KCNQ3: variants seen among roughly 807,000 people sequenced by gnomAD.
The protein encoded by KCNQ3 is potassium voltage-gated channel subfamily KQT member 3.
A neutral mutation model predicts 92.5 loss-of-function variants in KCNQ3; 30 were observed. The observed-to-expected ratio is 0.32, with a 90% CI of 0.24 to 0.44. The LOEUF (loss-of-function observed/expected upper bound fraction) is 0.44, where lower values mean the gene tolerates loss of function less well. Among genes scored for constraint, KCNQ3 ranks in the 20% least tolerant of loss-of-function variants. The pLI, the probability that KCNQ3 is intolerant of heterozygous loss-of-function variation, is 1.00. For synonymous variants in KCNQ3, 450 were observed against 468.8 expected, an observed-to-expected ratio of 0.96 and a Z score of 0.52; for missense variants, 913 against 1,140.3, an observed-to-expected ratio of 0.80 and a Z score of 2.87.
intron 9 of KCNQ3, among the ~76,000 whole-genome samples, chr8:132,162,614 T>C (rs12334792): frequency 0.89 from 136,156 of 152,198 alleles, 61,384 homozygotes; most frequent in Non-Finnish European, 0.95. Context: ...CTTACAGTCC[T>C]AAGTGGGTCC....
At chr8:132,308,524 C>T (rs1817499312) in intron 1 of KCNQ3, among the ~76,000 whole-genome samples, 1 of 152,116 alleles carries the variant, frequency 6.6e-6, no homozygotes, top group Non-Finnish European at 1.5e-5. Flanking sequence ...AAAAGAAAAG[C>T]CATGTTCTCA....
At chr8:132,452,999 A>C (rs563483593) in intron 1 of KCNQ3, among the ~76,000 whole-genome samples, 29 of 109,240 alleles carry the variant, frequency 2.7e-4, no homozygotes, top group African/African-American at 1.0e-3. Context: ...GGAAGGATAT[A>C]AAAATGAAGA....
intron 1 of KCNQ3, among the ~76,000 whole-genome samples, chr8:132,215,370 G>T (rs149401865): frequency 4.1e-4 from 63 of 152,330 alleles, no homozygotes; most frequent in African/African-American, 1.5e-3. Flanking sequence ...AGCTATTTAT[G>T]CTGCAGTTAA....
At chr8:132,144,179 G>A (rs963279438) in intron 9 of KCNQ3, among the ~76,000 whole-genome samples, 3 of 152,202 alleles carry the variant, frequency 2.0e-5, no homozygotes, top group African/African-American at 7.2e-5. Context: ...AACGCCATTG[G>A]TCACAGATGG....
chr8:132,284,273 G>A (rs1234718863), intron 1 of KCNQ3, among the ~76,000 whole-genome samples: 2 of 152,162 alleles, frequency 1.3e-5, no homozygotes, highest in Admixed American at 6.5e-5. Flanking sequence ...GGAGCAAATT[G>A]TTATTCCTGG....
chr8:132,244,351 T>A (rs184889595), intron 1 of KCNQ3, among the ~76,000 whole-genome samples: 1 of 151,890 alleles, frequency 6.6e-6, no homozygotes, highest in East Asian at 1.9e-4. Context: ...TCTTGCTCTT[T>A]TTTTAAGAAA....
chr8:132,182,863 A>T (rs932011866), intron 3 of KCNQ3, among the ~76,000 whole-genome samples: 7 of 150,730 alleles, frequency 4.6e-5, no homozygotes, highest in Non-Finnish European at 7.4e-5. Flanking sequence ...AAAAATCATT[A>T]AAAAAGTCCT....
chr8:132,231,729 T>C (rs1465852287), intron 1 of KCNQ3, among the ~76,000 whole-genome samples: 2 of 152,230 alleles, frequency 1.3e-5, no homozygotes, highest in East Asian at 3.8e-4. Flanking sequence ...TATTTTGTTA[T>C]GGTAGCCAAA....
At chr8:132,417,548 C>CT (rs1251721001) in intron 1 of KCNQ3, among the ~76,000 whole-genome samples, 1 of 152,066 alleles carries the variant, frequency 6.6e-6, no homozygotes, top group Non-Finnish European at 1.5e-5. Flanking sequence ...GAGACATCTA[C>CT]TTTTTTTTGG....
At chr8:132,218,336 C>A (rs1411352646) in intron 1 of KCNQ3, among the ~76,000 whole-genome samples, 2 of 152,210 alleles carry the variant, frequency 1.3e-5, no homozygotes, top group Admixed American at 1.3e-4. Flanking sequence ...AGTCATGCTA[C>A]ATCCCAAGCA....
chr8:132,396,721 CT>C (rs1323895363), intron 1 of KCNQ3, among the ~76,000 whole-genome samples: 2 of 152,138 alleles, frequency 1.3e-5, no homozygotes, highest in Non-Finnish European at 2.9e-5. Context: ...AGGGATTCTG[CT>C]ATCGTCATTA....
intron 4 of KCNQ3, among the ~76,000 whole-genome samples, chr8:132,179,612 T>C (rs1304883032): frequency 2.0e-5 from 3 of 152,346 alleles, no homozygotes; most frequent in Middle Eastern, 6.8e-3. Flanking sequence ...TGGTACCTTC[T>C]AAGTGCTCTT....
intron 1 of KCNQ3, among the ~76,000 whole-genome samples, chr8:132,426,188 T>C (rs527719643): frequency 6.6e-6 from 1 of 152,310 alleles, no homozygotes; most frequent in Admixed American, 6.5e-5. Flanking sequence ...AAGTTAAGGA[T>C]CAATATGGCG....
At chr8:132,430,437 G>A (rs952889032) in intron 1 of KCNQ3, among the ~76,000 whole-genome samples, 4 of 152,226 alleles carry the variant, frequency 2.6e-5, no homozygotes, top group African/African-American at 9.6e-5. Context: ...AAAGGTCCCT[G>A]TGCCAGCCCT....
chr8:132,187,639 GTGA>G (rs1197029194), intron 1 of KCNQ3, among the ~76,000 whole-genome samples: 2 of 151,958 alleles, frequency 1.3e-5, no homozygotes, highest in African/African-American at 4.8e-5. Flanking sequence ...GGTGGTGGTG[GTGA>G]TGATGATGGT....
intron 1 of KCNQ3, among the ~76,000 whole-genome samples, chr8:132,425,819 C>A (rs180727859): frequency 1.5e-3 from 228 of 152,326 alleles, no homozygotes; most frequent in African/African-American, 4.2e-3. Context: ...CTCCTGTCAG[C>A]TCAATGAATC....
At chr8:132,245,679 A>G (rs895863353) in intron 1 of KCNQ3, among the ~76,000 whole-genome samples, 2 of 152,146 alleles carry the variant, frequency 1.3e-5, no homozygotes, top group Non-Finnish European at 2.9e-5. Context: ...GTCACACTCA[A>G]CGTATCATTT....
chr8:132,456,464 G>GGTGTGTGT (rs34858367), intron 1 of KCNQ3, among the ~76,000 whole-genome samples: 30 of 149,318 alleles, frequency 2.0e-4, no homozygotes, highest in African/African-American at 3.9e-4. Context: ...GGGGATTGAG[G>GGTGTGTGT]GTGTGTGTGT....
At chr8:132,416,696 C>T (rs892992832) in intron 1 of KCNQ3, among the ~76,000 whole-genome samples, 2 of 152,148 alleles carry the variant, frequency 1.3e-5, no homozygotes, top group African/African-American at 4.8e-5. Flanking sequence ...GCATGGGGCA[C>T]TGAAGCCACA....
Sources: allele counts gnomAD v4.1 joint callset (sites outside exome capture counted in the v4.1 genomes callset), GRCh38; gene constraint gnomAD v4.1.1; transcripts MANE v1.5; gene names NCBI Gene and HGNC (gene_info 2026-07-23, HGNC 2026-07-21).